The following KIF13A variants were observed in gnomAD, a reference collection of about 807,000 sequenced individuals.
The protein encoded by KIF13A is kinesin-like protein KIF13A.
A neutral mutation model predicts 212.2 loss-of-function variants in KIF13A; 79 were observed. The ratio of observed to expected loss-of-function variants is 0.37; its 90% CI spans 0.31 to 0.45. The LOEUF (loss-of-function observed/expected upper bound fraction) is 0.45. Ranked by LOEUF, KIF13A falls within the 20% of genes least tolerant of loss-of-function variation. The probability of loss-of-function intolerance (pLI) is 1.00; values close to 1 mark genes in which losing one functional copy is unlikely to be tolerated. For synonymous variants in KIF13A, 789 were observed against 808.6 expected, an observed-to-expected ratio of 0.98 and a Z score of 0.41; for missense variants, 1,901 against 2,209.0, an observed-to-expected ratio of 0.86 and a Z score of 2.79.
intron 2 of KIF13A, among the ~76,000 whole-genome samples, chr6:17,911,965 A>C (rs898537698): frequency 6.6e-6 from 1 of 152,096 alleles, no homozygotes; most frequent in Admixed American, 6.5e-5. Flanking sequence ...GGGTTTCACC[A>C]TGTTGCGCAG....
At chr6:17,975,687 G>C (rs1780359237) in intron 2 of KIF13A, among the ~76,000 whole-genome samples, 4 of 152,196 alleles carry the variant, frequency 2.6e-5, no homozygotes, top group African/African-American at 9.7e-5. Context: ...ACAGGGCGCT[G>C]ATTGGTGCGT....
chr6:17,800,573 A>T (rs1269111338), intron 20 of KIF13A, among the ~76,000 whole-genome samples: 1 of 148,744 alleles, frequency 6.7e-6, no homozygotes, highest in Non-Finnish European at 1.5e-5. Context: ...AGTAGTTGGG[A>T]TTACAGGTGC....
downstream of KIF13A, chr6:17,759,818 C>T (rs1027992788): frequency 3.3e-5 from 5 of 152,204 alleles, no homozygotes; most frequent in African/African-American, 1.2e-4. Context: ...CCTACCAATC[C>T]AAAACAAAAC....
chr6:17,864,746 CT>C (rs1305897634), intron 4 of KIF13A, among the ~76,000 whole-genome samples: 1 of 152,190 alleles, frequency 6.6e-6, no homozygotes, highest in African/African-American at 2.4e-5. Context: ...AGCCTCCCAC[CT>C]TGGCCTCACA....
At chr6:17,940,546 T>G (rs1199655061) in intron 2 of KIF13A, among the ~76,000 whole-genome samples, 3 of 152,138 alleles carry the variant, frequency 2.0e-5, no homozygotes, top group Non-Finnish European at 2.9e-5. Flanking sequence ...TGTTTCCTTC[T>G]TTCAAGAGGC....
rs543126856 is a variant in KIF13A, at chr6:17,811,259, T to C, written c.2001-2329A>G. Among the ~76,000 whole-genome samples the C allele has an allele frequency of 6.6e-6, 1 of 152,306 alleles. No individual in the cohort carries two copies. The highest frequency in any genetic ancestry group is 2.4e-5 in the African/African-American group (1 of 41,566). On this transcript the variant is annotated intron_variant, in intron 17 of 38. Coordinates refer to ENST00000259711, the MANE Select transcript of KIF13A (RefSeq NM_022113.6). This position sits in a 1 kb window ranked among gnomAD's most constrained non-coding sequence, Gnocchi z 6.0. ...GCAGTCTGTCCACTTAGCGATTACATGCTTTTCACTTCAATACATTCACAC... is the reference window on the plus strand; with the variant it reads ...GCAGTCTGTCCACTTAGCGATTACACGCTTTTCACTTCAATACATTCACAC...
chr6:17,974,762 C>G (rs1289081193), intron 2 of KIF13A, among the ~76,000 whole-genome samples: 1 of 152,218 alleles, frequency 6.6e-6, no homozygotes, highest in Non-Finnish European at 1.5e-5. Context: ...CCAGGAAATT[C>G]TGTGGTGCAG....
Position 17,829,337 on chromosome 6 carries a change from C to T in KIF13A, c.1402-967G>A, listed in dbSNP as rs535062135. On this transcript the variant is annotated intron_variant, in intron 13 of 38. Coordinates refer to ENST00000259711, the MANE Select transcript of KIF13A (RefSeq NM_022113.6). This position sits in a 1 kb window ranked among gnomAD's most constrained non-coding sequence, Gnocchi z 5.4. ...CTCCGGAAAACTCCACCAATACATG[C>T]GTGATAAAATGAGAGAGCAGAGCCA... is the stretch of plus-strand genomic sequence containing the variant. Among the ~76,000 whole-genome samples the T allele has an allele frequency of 6.6e-6, 1 of 152,260 alleles. No individual in the cohort carries two copies. Among genetic ancestry groups the T allele is most frequent in the Admixed American group, 6.5e-5 (1 of 15,304 alleles).
rs1241926029 is a variant in KIF13A, at chr6:17,915,531, C to G, written c.147-17351G>C. On this transcript the variant is annotated intron_variant, in intron 2 of 38. Coordinates refer to ENST00000259711, the MANE Select transcript of KIF13A (RefSeq NM_022113.6). The surrounding 1 kb of genome is among the most constrained non-coding windows in gnomAD (Gnocchi z 4.4). Reference sequence around the variant, plus strand: ...CTGATGCCAGATGCTTGCAGTTTGACAGCGTGCAGGACCTGCCACCTTGAG... The same window carrying G: ...CTGATGCCAGATGCTTGCAGTTTGAGAGCGTGCAGGACCTGCCACCTTGAG... Among the ~76,000 whole-genome samples the G allele has an allele frequency of 6.6e-6, 1 of 152,158 alleles. No homozygotes were observed. Among genetic ancestry groups the G allele is most frequent in the African/African-American group, 2.4e-5 (1 of 41,448 alleles).
In KIF13A at chr6:17,764,190, G is replaced by T. The variant is rs1758740545; in HGVS notation, c.5338C>A (p.Pro1780Thr). Residue 1780 changes from proline (P) to threonine (T), a missense_variant, in exon 39 of 39, where the codon CCC (proline) becomes ACC (threonine). Around this residue, in one of 5 missense-constraint regions of KIF13A, gnomAD observed 687 missense variants for 759.1 expected, o/e 0.90. Coordinates refer to ENST00000259711, the MANE Select transcript of KIF13A (RefSeq NM_022113.6). The surrounding 1 kb of genome is among the most constrained non-coding windows in gnomAD (Gnocchi z 5.1). ...GKTVSDGLHH[P>T]SQLHSKLEND... Reference sequence around the variant, plus strand: ...TCTAACTTGGAATGCAGCTGGCTGGGGTGGTGGAGCCCATCGGAGACAGTC... The same window carrying T: ...TCTAACTTGGAATGCAGCTGGCTGGTGTGGTGGAGCCCATCGGAGACAGTC... 6.2e-7 allele frequency: 1 copy of T among 1,614,010 alleles called. No individual in the cohort carries two copies.
rs934956134 is a variant in KIF13A at position 17,888,280 on chromosome 6, G to A, written c.159+9888C>T. Among the ~76,000 whole-genome samples, 8 of 152,058 alleles carry A rather than the reference G, an allele frequency of 5.3e-5. No homozygotes were observed. The highest frequency in any genetic ancestry group is 9.7e-5 in the African/African-American group (4 of 41,388). On this transcript the variant is annotated intron_variant, in intron 3 of 38. Coordinates refer to ENST00000259711, the MANE Select transcript of KIF13A (RefSeq NM_022113.6). This position sits in a 1 kb window ranked among gnomAD's most constrained non-coding sequence, Gnocchi z 4.8. ...CTAGGAAACAATTCCTAGGAAAAACGTATAGTGAGAAGGTTATGCTGTCAT... is the reference window on the plus strand; with the variant it reads ...CTAGGAAACAATTCCTAGGAAAAACATATAGTGAGAAGGTTATGCTGTCAT...
At chr6:17,801,496 G>A (rs963109622) in intron 20 of KIF13A, among the ~76,000 whole-genome samples, 2 of 151,984 alleles carry the variant, frequency 1.3e-5, no homozygotes, top group Admixed American at 6.6e-5. Flanking sequence ...AGTGAGACTC[G>A]GTCTCAAACA....
intron 17 of KIF13A, among the ~76,000 whole-genome samples, chr6:17,814,395 C>T (rs564084045): frequency 9.7e-4 from 147 of 151,776 alleles, no homozygotes; most frequent in African/African-American, 3.5e-3. Context: ...ATTATAGGTG[C>T]CCACGACCGC....
At chr6:17,904,574 C>T (rs373698822) in intron 2 of KIF13A, among the ~76,000 whole-genome samples, 6 of 152,154 alleles carry the variant, frequency 3.9e-5, no homozygotes, top group African/African-American at 1.2e-4. Context: ...GTAGTACAGA[C>T]CTGGAAAGTT....
downstream of KIF13A, chr6:17,760,599 G>A: frequency 3.5e-6 from 2 of 573,648 alleles, no homozygotes; most frequent in South Asian, 4.3e-5. Context: ...CTGTCACTTA[G>A]TTAATCCAGG....
In KIF13A at chr6:17,836,991, G is replaced by C. The variant is rs1449942004; in HGVS notation, c.1042C>G (p.Arg348Gly). The C allele has an allele frequency of 6.2e-7, 1 of 1,613,846 alleles. No homozygotes were observed. The highest frequency in any genetic ancestry group is 8.5e-7 in the Non-Finnish European group (1 of 1,179,874). ...ETLSTLRYAD[R>G]AKRIVNHAVV... ...GCATGGTTCACAATCCTTTTGGCTCGGTCTGCATATCTTAATGTGGAGAGG... is the reference window on the plus strand; with the variant it reads ...GCATGGTTCACAATCCTTTTGGCTCCGTCTGCATATCTTAATGTGGAGAGG... The change falls in exon 11 of 39, where the codon CGA (arginine) becomes GGA (glycine). Residue 348 changes from arginine (R) to glycine (G), a missense_variant. Around this residue, in one of 5 missense-constraint regions of KIF13A, gnomAD observed 506 missense variants for 637.4 expected, o/e 0.79. Transcript: ENST00000259711.
At chr6:17,939,643 A>T (rs1186086521) in intron 2 of KIF13A, among the ~76,000 whole-genome samples, 1 of 152,238 alleles carries the variant, frequency 6.6e-6, no homozygotes, top group Non-Finnish European at 1.5e-5. Flanking sequence ...TTGATAAAAC[A>T]GCATGAGGTA....
chr6:17,970,353 A>T (rs145048873), intron 2 of KIF13A, among the ~76,000 whole-genome samples: 1 of 125,388 alleles, frequency 8.0e-6, no homozygotes, highest in Non-Finnish European at 1.7e-5. Context: ...TGTAATCCCA[A>T]AATTTTGGTA....
intron 4 of KIF13A, among the ~76,000 whole-genome samples, chr6:17,863,372 C>CTT (rs35627842): frequency 0.018 from 2,569 of 139,766 alleles, 80 homozygotes; most frequent in African/African-American, 0.063. Context: ...AAAATACTTT[C>CTT]TTTTTTTTTT....
Sources: allele counts gnomAD v4.1 joint callset (sites outside exome capture counted in the v4.1 genomes callset), GRCh38; gene constraint gnomAD v4.1.1; regional missense constraint gnomAD v4.1.1; non-coding constraint Gnocchi (gnomAD v3.1); transcripts MANE v1.5; gene names NCBI Gene and HGNC (gene_info 2026-07-23, HGNC 2026-07-21).